Variants in LRP11 observed in about 807,000 individuals in gnomAD.
The protein encoded by LRP11 is LDL receptor related protein 11.
LRP11 carries 25 observed loss-of-function variants against 43.1 expected under a neutral mutation model. The observed-to-expected ratio is 0.58, with a 90% CI of 0.42 to 0.81. LRP11 has a LOEUF of 0.81. LRP11 is among the 30% of genes least tolerant of loss of function. LRP11 has a pLI of 0.00. For missense variants in LRP11, 623 were observed against 665.1 expected (o/e 0.94, Z 0.70); for synonymous variants, 316 against 299.4 (o/e 1.06, Z -0.57).
chr6:149,853,804 G>A (rs951841369), intron 1 of LRP11, among the ~76,000 whole-genome samples: 2 of 151,992 alleles, frequency 1.3e-5, no homozygotes, highest in East Asian at 3.9e-4. Flanking sequence ...GAGCCACTGC[G>A]CCTGGCCTTG....
At chr6:149,843,435 G>C (rs1477964345) in intron 2 of LRP11, among the ~76,000 whole-genome samples, 1 of 152,104 alleles carries the variant, frequency 6.6e-6, no homozygotes, top group African/African-American at 2.4e-5. Flanking sequence ...TCAGCAGGGG[G>C]ACTCATCAGC....
At chr6:149,849,571 G>C (rs1350615003) in intron 2 of LRP11, among the ~76,000 whole-genome samples, 1 of 152,042 alleles carries the variant, frequency 6.6e-6, no homozygotes, top group Non-Finnish European at 1.5e-5. Flanking sequence ...AGCCTGGGCA[G>C]CATAGTGAGA....
chr6:149,832,600 G>A (rs1016594037), intron 5 of LRP11, among the ~76,000 whole-genome samples: 3 of 148,098 alleles, frequency 2.0e-5, no homozygotes, highest in Non-Finnish European at 4.4e-5. Flanking sequence ...ACCCAGGCAT[G>A]TGTCATGAAC....
At chr6:149,835,565 G>A (rs902526898) in intron 5 of LRP11, among the ~76,000 whole-genome samples, 12 of 152,094 alleles carry the variant, frequency 7.9e-5, no homozygotes, top group African/African-American at 2.7e-4. Flanking sequence ...CTGTGATCGC[G>A]TCACTGTACT....
intron 1 of LRP11, among the ~76,000 whole-genome samples, chr6:149,859,630 C>T: frequency 6.6e-6 from 1 of 151,686 alleles, no homozygotes; most frequent in Middle Eastern, 3.2e-3. Context: ...TCCTGGCCTC[C>T]AGCAATCCAC....
intron 1 of LRP11, among the ~76,000 whole-genome samples, chr6:149,862,577 C>CCT (rs57368910): frequency 6.3e-5 from 8 of 126,202 alleles, no homozygotes; most frequent in Non-Finnish European, 1.3e-4. Context: ...TTTTCTTTTC[C>CCT]TTTTTTTTTT....
intron 1 of LRP11, among the ~76,000 whole-genome samples, chr6:149,856,860 A>G (rs1339093418): frequency 6.6e-6 from 1 of 152,200 alleles, no homozygotes; most frequent in Non-Finnish European, 1.5e-5. Context: ...GCAACTGGAA[A>G]GAACCCTGAA....
chr6:149,821,277 T>G (rs1270734590), intron 6 of LRP11, among the ~76,000 whole-genome samples: 1 of 152,174 alleles, frequency 6.6e-6, no homozygotes, highest in Non-Finnish European at 1.5e-5. Context: ...CCTACAAAAT[T>G]TGTATGGCAT....
intron 2 of LRP11, among the ~76,000 whole-genome samples, chr6:149,845,538 G>C (rs1485721647): frequency 6.6e-6 from 1 of 152,158 alleles, no homozygotes; most frequent in East Asian, 1.9e-4. Flanking sequence ...ATTACCTTCA[G>C]GCCCAACTAC....
Position 149,862,002 on chromosome 6 carries a change from T to C in LRP11, c.613+1406A>G, listed in dbSNP as rs532683312. Among the ~76,000 whole-genome samples the C allele has an allele frequency of 8.5e-5, 13 of 152,278 alleles. No homozygotes were observed. In the South Asian group the frequency reaches 2.7e-3, roughly 32 times the overall value. On this transcript the variant is annotated intron_variant, in intron 1 of 6. Coordinates refer to ENST00000239367, the MANE Select transcript of LRP11 (RefSeq NM_032832.6). ...TTTCTTTGCTGCTGGGATATTTTGG[T>C]CTGTGTTTGGGCAGAGAGGATGTGT...
rs1326089839 is a variant in LRP11 at position 149,843,105 on chromosome 6, A to C, written c.791T>G (p.Leu264Arg). 1.2e-6 allele frequency: 2 copies of C among 1,614,190 alleles called. No homozygotes were observed. Among genetic ancestry groups the C allele is most frequent in the Admixed American group, 3.3e-5 (2 of 60,024 alleles). The change falls in exon 3 of 7, where the codon CTG becomes CGG. Residue 264 changes from leucine (L) to arginine (R), a missense_variant. Coordinates refer to ENST00000239367, the MANE Select transcript of LRP11 (RefSeq NM_032832.6). ...TCCCTCCTGTAGGTGGGACAGCTTC[A>C]GGGTTCCTGATTGAGGCACCTGCCA... ...VDMKVPQSGT[L>R]KLSHLQEGTY...
chr6:149,833,097 C>T (rs1244875795), intron 5 of LRP11, among the ~76,000 whole-genome samples: 3 of 152,172 alleles, frequency 2.0e-5, no homozygotes, highest in South Asian at 2.1e-4. Context: ...CGTAAGCCAC[C>T]GTTCCTGGCC....
At chr6:149,861,483 A>G (rs756411383) in intron 1 of LRP11, among the ~76,000 whole-genome samples, 5 of 152,198 alleles carry the variant, frequency 3.3e-5, no homozygotes, top group Non-Finnish European at 7.3e-5. Context: ...AAGAGGAAAA[A>G]CAACCCAGAA....
Position 149,822,841 on chromosome 6 carries a change from T to TA in LRP11, c.1349-2139dup, listed in dbSNP as rs1776294039. 1.3e-5 allele frequency among the ~76,000 whole-genome samples: 2 copies of TA among 152,016 alleles called. 1 individual carries two copies. The highest frequency in any genetic ancestry group is 4.1e-4 in the South Asian group (2 of 4,822). On this transcript the variant is annotated intron_variant, in intron 6 of 6. Coordinates refer to ENST00000239367, the MANE Select transcript of LRP11 (RefSeq NM_032832.6). The stretch of plus-strand genomic sequence containing the variant: ...GAGACTGTTGGGTGGCTGAAGGAGG[T>TA]AAGTTTATTTTTTGACATTTTCAGA...
intron 1 of LRP11, among the ~76,000 whole-genome samples, chr6:149,861,447 GGGAAA>G (rs960639095): frequency 4.5e-4 from 69 of 152,254 alleles, no homozygotes; most frequent in African/African-American, 1.6e-3. Context: ...AACTCCCCTG[GGGAAA>G]GGAAGGGCAA....
chr6:149,849,733 T>A (rs1776691325), intron 2 of LRP11, among the ~76,000 whole-genome samples: 1 of 152,074 alleles, frequency 6.6e-6, no homozygotes, highest in African/African-American at 2.4e-5. Context: ...ACCCTGTCAA[T>A]GAATGAATGA....
intron 1 of LRP11, 75 bp from the exon 2 acceptor site, chr6:149,853,235 C>A: frequency 8.1e-7 from 1 of 1,227,070 alleles, no homozygotes. Context: ...ATCTTGTTTG[C>A]TGAATAGATA....
rs17078902 is a variant in LRP11, at chr6:149,827,253, T to C, written c.1253-894A>G. Among the ~76,000 whole-genome samples the C allele has an allele frequency of 0.017, 2,548 of 152,276 alleles. 86 individuals carry two copies. Among genetic ancestry groups the C allele is most frequent in the African/African-American group, 0.058 (2,413 of 41,560 alleles). On this transcript the variant is annotated intron_variant, in intron 5 of 6. Transcript: ENST00000239367. The surrounding 1 kb of genome is among the most constrained non-coding windows in gnomAD (Gnocchi z 4.2). ...AGGCGTGAGCCACCATGCCCAGCCT[T>C]AAGTGGGATTTTTGAGTATTACAAT...
intron 2 of LRP11, among the ~76,000 whole-genome samples, chr6:149,844,296 T>C (rs555454101): frequency 6.6e-4 from 101 of 151,980 alleles, no homozygotes; most frequent in African/African-American, 2.1e-3. Context: ...TCTTACTGTA[T>C]CTGGCCATGC....
Sources: allele counts gnomAD v4.1 joint callset (sites outside exome capture counted in the v4.1 genomes callset), GRCh38; gene constraint gnomAD v4.1.1; non-coding constraint Gnocchi (gnomAD v3.1); transcripts MANE v1.5; gene names NCBI Gene and HGNC (gene_info 2026-07-23, HGNC 2026-07-21).